The following ANKRD26 variants were observed in gnomAD, a reference collection of about 807,000 sequenced individuals.
ANKRD26 encodes the protein ankyrin repeat domain-containing protein 26.
ANKRD26 carries 141 observed loss-of-function variants against 208.7 expected under a neutral mutation model. The ratio of observed to expected loss-of-function variants is 0.68; its 90% CI spans 0.59 to 0.78. The LOEUF (loss-of-function observed/expected upper bound fraction) is 0.78, where lower values mean the gene tolerates loss of function less well. ANKRD26 is among the 30% of genes least tolerant of loss of function. The probability of loss-of-function intolerance (pLI) is 0.00; values close to 1 mark genes in which losing one functional copy is unlikely to be tolerated. For missense variants in ANKRD26, 1,889 were observed against 1,938.7 expected (o/e 0.97, Z 0.48); for synonymous variants, 636 against 660.4 (o/e 0.96, Z 0.57).
At chr10:26,953,297 C>A in the ANKRD26 span, among the ~76,000 whole-genome samples, 13 of 152,048 alleles carry the variant, frequency 8.5e-5, no homozygotes, top group Non-Finnish European at 1.5e-4. Flanking sequence ...GTGGTGTGTG[C>A]CTGTAACCCT....
At chr10:26,948,984 A>C in the ANKRD26 span, among the ~76,000 whole-genome samples, 1 of 152,080 alleles carries the variant, frequency 6.6e-6, no homozygotes, top group Non-Finnish European at 1.5e-5. Context: ...AACAAGAGTG[A>C]AACGCCATCT....
Position 27,091,499 on chromosome 10 carries a change from A to G in ANKRD26, c.638+907T>C, listed in dbSNP as rs182340601. 2.2e-3 allele frequency among the ~76,000 whole-genome samples: 338 copies of G among 152,346 alleles called. 1 individual carries two copies. Among genetic ancestry groups the G allele is most frequent in the Non-Finnish European group, 3.6e-3 (246 of 68,044 alleles). ...AGAAAAGGAAAAAAATAATGAAACT[A>G]TAGTATCTGGCAATAGCGATCAACA... On this transcript the variant is annotated intron_variant, in intron 4 of 33. Coordinates refer to ENST00000376087, the MANE Select transcript of ANKRD26 (RefSeq NM_014915.3).
intron 20 of ANKRD26, among the ~76,000 whole-genome samples, chr10:27,041,707 A>G (rs926020053): frequency 2.0e-5 from 3 of 152,176 alleles, no homozygotes; most frequent in Non-Finnish European, 2.9e-5. Flanking sequence ...GAAAAGATTC[A>G]TAACTTTGAG....
intron 32 of ANKRD26, among the ~76,000 whole-genome samples, chr10:27,010,089 T>A (rs2053040413): frequency 6.8e-6 from 1 of 147,012 alleles, no homozygotes; most frequent in South Asian, 2.1e-4. Flanking sequence ...CAGAGAGCTC[T>A]ACTTCTATCT....
rs1260351137 is a variant in ANKRD26, at chr10:27,100,251, C to T, written c.76G>A (p.Gly26Ser). The T allele has an allele frequency of 1.2e-6, 2 of 1,611,408 alleles. No homozygotes were observed. Among genetic ancestry groups the T allele is most frequent in the Non-Finnish European group, 1.7e-6 (2 of 1,179,536 alleles). Residue 26 changes from glycine to serine, a missense_variant, in exon 1 of 34, where the codon GGC becomes AGC. Physicochemically the swap from Gly to Ser is moderately conservative, Grantham distance 56. Transcript: ENST00000376087. ...GCGCCCTCCCCCGGCTCGCCCCCGC[C>T]TCCCGCGCTGCTCCTCTGCCGCCGC... Reference protein sequence around the residue: ...FARRQRSSAGGGGEPGEGAYS... With the variant: ...FARRQRSSAGSGGEPGEGAYS...
the ANKRD26 span, among the ~76,000 whole-genome samples, chr10:26,951,019 C>CTTTTCTTTTT: frequency 4.1e-5 from 2 of 48,602 alleles, no homozygotes; most frequent in South Asian, 5.7e-4. Flanking sequence ...TTTTCTTTTT[C>CTTTTCTTTTT]TTTTTTTTTT....
At chr10:27,078,996 C>A in intron 7 of ANKRD26, 93 bp downstream of exon 7, 14 of 919,308 alleles carry the variant, frequency 1.5e-5, no homozygotes, top group South Asian at 7.7e-5. Context: ...AAACAGAAAA[C>A]AATGATAAGT....
the ANKRD26 span, among the ~76,000 whole-genome samples, chr10:26,959,417 T>G: frequency 1.3e-5 from 2 of 152,110 alleles, no homozygotes; most frequent in African/African-American, 4.8e-5. Context: ...TGAACCCAGA[T>G]TCAGGAGAGC....
chr10:27,055,852 T>C (rs548386608), intron 15 of ANKRD26, among the ~76,000 whole-genome samples: 5 of 127,778 alleles, frequency 3.9e-5, no homozygotes, highest in Non-Finnish European at 6.6e-5. Flanking sequence ...TTTTGTTACA[T>C]TACATGTAGT....
the ANKRD26 span, among the ~76,000 whole-genome samples, chr10:26,949,621 C>T: frequency 6.6e-6 from 1 of 152,206 alleles, no homozygotes; most frequent in Non-Finnish European, 1.5e-5. Flanking sequence ...TTCTCTGCCT[C>T]AGCCTCCCAA....
At position 27,004,957 on chromosome 10, in the gene ANKRD26, G is replaced by C; in HGVS notation, c.*633C>G. The C allele has an allele frequency of 1.3e-6, 1 of 785,248 alleles. No homozygotes were observed. Among genetic ancestry groups the C allele is most frequent in the African/African-American group, 1.9e-5 (1 of 53,286 alleles). 48.6% of individuals were successfully genotyped at this position (785,248 alleles called of 1,614,324 possible). A position where few individuals can be genotyped will look rare whatever the true frequency, so the allele number is the denominator to read the frequency against. ...GGAATGCCCACTAAAGTAATCAGGG[G>C]TGATGACATAATGTCAGCAATTTAC... is the stretch of plus-strand genomic sequence containing the variant. On this transcript the variant is annotated 3_prime_UTR_variant, in exon 34 of 34. Transcript: ENST00000376087.
At position 27,100,015 on chromosome 10, in the gene ANKRD26, C is replaced by G. The variant is rs2056595200; in HGVS notation, c.242+70G>C. ...GCTGATCCAGGCCCTGGGTGGCTCC[C>G]ACAAAAGGGGCCCCTCTTCCTGCCC... On this transcript the variant is annotated intron_variant, in intron 1 of 33. Transcript: ENST00000376087. The G allele has an allele frequency of 1.9e-6, 3 of 1,605,656 alleles. No individual in the cohort carries two copies. In the East Asian group the frequency reaches 6.7e-5, roughly 36 times the overall value.
the ANKRD26 span, among the ~76,000 whole-genome samples, chr10:26,965,283 G>A: frequency 6.6e-6 from 1 of 152,110 alleles, no homozygotes; most frequent in Non-Finnish European, 1.5e-5. Flanking sequence ...CCAAAACAGA[G>A]ATATAGACCA....
chr10:27,042,613 C>T (rs1040684861), intron 20 of ANKRD26, among the ~76,000 whole-genome samples: 3 of 151,996 alleles, frequency 2.0e-5, no homozygotes, highest in African/African-American at 7.2e-5. Flanking sequence ...GTTTGCCAGG[C>T]TTGGTGGCGG....
chr10:26,976,686 G>A (rs532506007), intron 5 of ANKRD26, among the ~76,000 whole-genome samples: 2 of 152,144 alleles, frequency 1.3e-5, no homozygotes, highest in South Asian at 2.1e-4. Flanking sequence ...TTTTATTGAG[G>A]TTTCTTAAGT....
intron 28 of ANKRD26, among the ~76,000 whole-genome samples, chr10:27,023,679 C>T (rs76803402): frequency 0.043 from 6,484 of 152,070 alleles, 211 homozygotes; most frequent in East Asian, 0.12. Context: ...TGCCAAACCA[C>T]GTTAGAGAAA....
At chr10:26,949,390 T>C in the ANKRD26 span, among the ~76,000 whole-genome samples, 1 of 152,002 alleles carries the variant, frequency 6.6e-6, no homozygotes, top group Admixed American at 6.6e-5. Flanking sequence ...TGACATCATA[T>C]GACCTTGAGA....
intron 9 of ANKRD26, among the ~76,000 whole-genome samples, chr10:27,075,965 C>T (rs10764668): frequency 0.5 from 76,238 of 152,054 alleles, 21,707 homozygotes; most frequent in Non-Finnish European, 0.65. Context: ...ATTATACAAA[C>T]ATATGGTAAT....
intron 29 of ANKRD26, among the ~76,000 whole-genome samples, chr10:27,021,658 G>C (rs1294567316): frequency 2.0e-5 from 3 of 152,086 alleles, no homozygotes; most frequent in Non-Finnish European, 4.4e-5. Context: ...CTGTCGAGTT[G>C]AGTTCCTTGT....
Sources: gnomAD v4.1 joint callset for allele counts (sites outside exome capture counted in the v4.1 genomes callset) on GRCh38, gnomAD v4.1.1 for gene constraint, MANE v1.5 for transcripts, NCBI Gene and HGNC (gene_info 2026-07-23, HGNC 2026-07-21) for gene names.